FOXP2: variants seen among roughly 807,000 people sequenced by gnomAD.
FOXP2 encodes forkhead box protein P2.
A neutral mutation model predicts 115.8 loss-of-function variants in FOXP2; 12 were observed. The observed-to-expected ratio is 0.10, with a 90% CI of 0.07 to 0.17. The LOEUF (loss-of-function observed/expected upper bound fraction) is 0.17. FOXP2 is among the 10% of genes least tolerant of loss of function. The probability of loss-of-function intolerance (pLI) is 1.00; values close to 1 mark genes in which losing one functional copy is unlikely to be tolerated. For synonymous variants in FOXP2, 328 were observed against 297.7 expected (o/e 1.10, Z -1.05); for missense variants, 629 against 843.5 (o/e 0.75, Z 3.15).
At chr7:114,615,637 G>C (rs1803902640) in intron 3 of FOXP2, among the ~76,000 whole-genome samples, 1 of 152,102 alleles carries the variant, frequency 6.6e-6, no homozygotes, top group African/African-American at 2.4e-5. Context: ...TGTTTCTCTG[G>C]TGTCAGCTTT....
chr7:114,352,790 A>G (rs1032376189), intron 2 of FOXP2, among the ~76,000 whole-genome samples: 2 of 152,040 alleles, frequency 1.3e-5, no homozygotes, highest in African/African-American at 4.8e-5. Flanking sequence ...GACTTCAACT[A>G]TAATTTTTCT....
intron 16 of FOXP2, chr7:114,667,037 C>T (rs1807198639): frequency 6.6e-6 from 1 of 152,048 alleles, no homozygotes; most frequent in Non-Finnish European, 1.5e-5. Context: ...CATTTTAAGG[C>T]ACTCTGTAAG....
At chr7:114,240,227 G>T (rs891159635) in intron 1 of FOXP2, among the ~76,000 whole-genome samples, 1 of 152,062 alleles carries the variant, frequency 6.6e-6, no homozygotes, top group African/African-American at 2.4e-5. Context: ...TGTTGGTTGG[G>T]GGGAGGAAAA....
intron 2 of FOXP2, among the ~76,000 whole-genome samples, chr7:114,402,861 A>T (rs1157401511): frequency 4.6e-5 from 7 of 151,572 alleles, no homozygotes; most frequent in Non-Finnish European, 8.8e-5. Flanking sequence ...CTGGTCTCAA[A>T]CTCCTGGCCT....
At chr7:114,410,792 C>A (rs1469687989), upstream of FOXP2, among the ~76,000 whole-genome samples, 1 of 151,886 alleles carries the variant, frequency 6.6e-6, no homozygotes, top group Non-Finnish European at 1.5e-5. Context: ...CATCTCTCAA[C>A]TATTCTTTCT....
At chr7:114,135,437 G>T (rs916920022) in intron 1 of FOXP2, among the ~76,000 whole-genome samples, 1 of 151,916 alleles carries the variant, frequency 6.6e-6, no homozygotes, top group Non-Finnish European at 1.5e-5. Context: ...GGTGTGGTAT[G>T]GATTTCTTTC....
intron 2 of FOXP2, among the ~76,000 whole-genome samples, chr7:114,439,774 A>G (rs1010731704): frequency 6.6e-6 from 1 of 151,882 alleles, no homozygotes; most frequent in African/African-American, 2.4e-5. Flanking sequence ...GGGTTTTGGC[A>G]TGTTGCCCAG....
At chr7:114,263,067 C>T (rs1795796894) in intron 1 of FOXP2, among the ~76,000 whole-genome samples, 1 of 152,118 alleles carries the variant, frequency 6.6e-6, no homozygotes, top group Non-Finnish European at 1.5e-5. Context: ...ACAAACAACT[C>T]TTTATATTTC....
At chr7:114,582,743 G>C (rs1184910727) in intron 3 of FOXP2, among the ~76,000 whole-genome samples, 1 of 152,018 alleles carries the variant, frequency 6.6e-6, no homozygotes, top group African/African-American at 2.4e-5. Flanking sequence ...TCAAATTTTA[G>C]AAAAACCTTT....
intron 1 of FOXP2, among the ~76,000 whole-genome samples, chr7:114,169,921 A>G (rs1793094235): frequency 6.6e-6 from 1 of 152,144 alleles, no homozygotes; most frequent in African/African-American, 2.4e-5. Flanking sequence ...GCTGCCATCC[A>G]TGTAAGATGT....
intron 6 of FOXP2, among the ~76,000 whole-genome samples, chr7:114,632,828 G>C (rs528969039): frequency 6.6e-6 from 1 of 152,042 alleles, no homozygotes; most frequent in East Asian, 1.9e-4. Flanking sequence ...CTGTTTTTCT[G>C]AGTTATTCTA....
At chr7:114,226,143 T>A (rs904992190) in intron 1 of FOXP2, among the ~76,000 whole-genome samples, 7 of 152,216 alleles carry the variant, frequency 4.6e-5, no homozygotes, top group African/African-American at 1.4e-4. Context: ...TACCTTCCAT[T>A]TGTGACACTG....
At chr7:114,525,451 C>A in intron 2 of FOXP2, among the ~76,000 whole-genome samples, 2 of 152,122 alleles carry the variant, frequency 1.3e-5, no homozygotes, top group Middle Eastern at 3.4e-3. Flanking sequence ...AAGAAAATAC[C>A]GATATATTTA....
chr7:114,213,067 T>C (rs112614037), intron 1 of FOXP2, among the ~76,000 whole-genome samples: 1 of 152,206 alleles, frequency 6.6e-6, no homozygotes, highest in South Asian at 2.1e-4. Flanking sequence ...TAGAATTTTT[T>C]TTAAAGGCAG....
chr7:114,583,210 G>A (rs1051360440), intron 3 of FOXP2, among the ~76,000 whole-genome samples: 7 of 151,730 alleles, frequency 4.6e-5, no homozygotes, highest in African/African-American at 1.2e-4. Flanking sequence ...GGTGAAACCC[G>A]CCTCTACTAA....
intron 2 of FOXP2, among the ~76,000 whole-genome samples, chr7:114,363,762 G>A (rs1401069741): frequency 6.6e-6 from 1 of 151,638 alleles, no homozygotes; most frequent in East Asian, 1.9e-4. Flanking sequence ...AGAAATCCCT[G>A]GATTCAGACG....
intron 2 of FOXP2, among the ~76,000 whole-genome samples, chr7:114,532,765 GA>G (rs199700428): frequency 8.7e-5 from 13 of 148,760 alleles, no homozygotes; most frequent in Admixed American, 1.3e-4. Context: ...AACTCGAAAA[GA>G]AAAAAAAACT....
In FOXP2 at chr7:114,363,901, A is replaced by G. The variant is rs142171681; in HGVS notation, c.-10-62601A>G. 3.4e-3 allele frequency among the ~76,000 whole-genome samples: 521 copies of G among 152,302 alleles called. 3 individuals are homozygous for G. Among genetic ancestry groups the G allele is most frequent in the African/African-American group, 0.012 (500 of 41,572 alleles). On this transcript the variant is annotated intron_variant, in intron 2 of 17. Coordinates refer to the FOXP2 transcript ENST00000634411. The stretch of plus-strand genomic sequence containing the variant: ...AGCGCTAGACTTGCTGTTCCTGTCT[A>G]TAAGAGATATTTGCTTGTAGGTCTT...
chr7:114,118,756 C>T (rs1030758891), intron 1 of FOXP2, among the ~76,000 whole-genome samples: 4 of 152,036 alleles, frequency 2.6e-5, no homozygotes, highest in African/African-American at 9.7e-5. Flanking sequence ...GTGTGGAAGA[C>T]ACATCTATGA....
Sources: allele counts gnomAD v4.1 joint callset (sites outside exome capture counted in the v4.1 genomes callset), GRCh38; gene constraint gnomAD v4.1.1; transcripts MANE v1.5; gene names NCBI Gene and HGNC (gene_info 2026-07-23, HGNC 2026-07-21).